EPHA6: variants seen among roughly 807,000 people sequenced by gnomAD.
EPHA6 encodes the protein EPH receptor A6, also known as ephrin type-A receptor 6.
EPHA6 carries 50 observed loss-of-function variants against 112.0 expected under a neutral mutation model. That is an observed-to-expected ratio of 0.45 (90% CI 0.36 to 0.56). EPHA6 has a LOEUF of 0.56. EPHA6 is among the 20% of genes least tolerant of loss of function. The pLI, the probability that EPHA6 is intolerant of heterozygous loss-of-function variation, is 0.00. For missense variants in EPHA6, 1,280 were observed against 1,417.4 expected, an observed-to-expected ratio of 0.90 and a Z score of 1.56; for synonymous variants, 529 against 490.7, an observed-to-expected ratio of 1.08 and a Z score of -1.03.
At chr3:96,976,857 C>G (rs770516961) in intron 2 of EPHA6, among the ~76,000 whole-genome samples, 14 of 152,196 alleles carry the variant, frequency 9.2e-5, no homozygotes, top group Non-Finnish European at 1.8e-4. Context: ...AGGAGCTTCA[C>G]AGATTCTTCC....
intron 6 of EPHA6, among the ~76,000 whole-genome samples, chr3:97,419,885 G>A (rs2088470595): frequency 6.6e-6 from 1 of 151,976 alleles, no homozygotes; most frequent in Non-Finnish European, 1.5e-5. Context: ...GTTTCTAAAG[G>A]CTGAGAAACT....
chr3:97,012,430 C>T (rs1055618372), intron 3 of EPHA6, among the ~76,000 whole-genome samples: 3 of 150,902 alleles, frequency 2.0e-5, no homozygotes, highest in African/African-American at 7.3e-5. Context: ...CTCAGATGAT[C>T]CTCCCATCTC....
At chr3:97,389,975 T>G (rs987858254) in intron 5 of EPHA6, among the ~76,000 whole-genome samples, 1 of 152,098 alleles carries the variant, frequency 6.6e-6, no homozygotes. Flanking sequence ...GTAAGTGATT[T>G]GTGAACAACA....
intron 6 of EPHA6, among the ~76,000 whole-genome samples, chr3:97,407,308 C>G (rs1044106588): frequency 6.6e-6 from 1 of 151,628 alleles, no homozygotes; most frequent in African/African-American, 2.4e-5. Flanking sequence ...TCCTATCCCT[C>G]TGATAACTAT....
intron 11 of EPHA6, chr3:97,590,236 T>C (rs1396804803): frequency 6.6e-6 from 1 of 152,152 alleles, no homozygotes; most frequent in Non-Finnish European, 1.5e-5. Context: ...TGACAGTTCC[T>C]TAAGGAAGAG....
chr3:97,193,495 T>G (rs933970205), intron 3 of EPHA6, among the ~76,000 whole-genome samples: 1 of 152,122 alleles, frequency 6.6e-6, no homozygotes, highest in Non-Finnish European at 1.5e-5. Context: ...CTATGTATTC[T>G]GCAACTTTAC....
At chr3:96,972,522 T>G (rs1486387700) in intron 2 of EPHA6, among the ~76,000 whole-genome samples, 1 of 151,876 alleles carries the variant, frequency 6.6e-6, no homozygotes, top group East Asian at 1.9e-4. Flanking sequence ...CAGTCTTCCG[T>G]GTTATTAGAA....
chr3:97,192,409 G>C (rs896073912), intron 3 of EPHA6, among the ~76,000 whole-genome samples: 2 of 152,126 alleles, frequency 1.3e-5, no homozygotes, highest in Non-Finnish European at 2.9e-5. Context: ...TAGGATTACA[G>C]GTGCCTGACC....
intron 14 of EPHA6, among the ~76,000 whole-genome samples, chr3:97,643,370 G>A (rs1234039855): frequency 6.6e-6 from 1 of 152,216 alleles, no homozygotes; most frequent in Non-Finnish European, 1.5e-5. Context: ...AGACTAGGAA[G>A]AAACTGCATC....
Position 97,150,567 on chromosome 3 carries a change from T to C in EPHA6, c.1115-75697T>C, listed in dbSNP as rs139117758. The stretch of plus-strand genomic sequence containing the variant: ...AAGTATGCACCTGTCTCTGTGGTAA[T>C]TGGGACTTGGGAAAACAACGTGGGT... On this transcript the variant is annotated intron_variant, in intron 3 of 17. Transcript: ENST00000389672. 2.9e-3 allele frequency among the ~76,000 whole-genome samples: 442 copies of C among 152,190 alleles called. 2 individuals are homozygous for C. Among genetic ancestry groups the C allele is most frequent in the African/African-American group, 0.01 (417 of 41,548 alleles).
At position 97,127,217 on chromosome 3, in the gene EPHA6, G is replaced by A. The variant is rs143564978; in HGVS notation, c.1115-99047G>A. Among the ~76,000 whole-genome samples the A allele has an allele frequency of 2.9e-3, 444 of 152,274 alleles. 2 individuals are homozygous for A. The highest frequency in any genetic ancestry group is 9.9e-3 in the African/African-American group (412 of 41,550). On this transcript the variant is annotated intron_variant, in intron 3 of 17. Transcript: ENST00000389672. ...AGGGAGAAATGTAATTGTACAAAGGGATATGATCTAATGGTAATAAACTGG... is the reference window on the plus strand; with the variant it reads ...AGGGAGAAATGTAATTGTACAAAGGAATATGATCTAATGGTAATAAACTGG...
At chr3:97,282,668 G>A (rs967783779) in intron 5 of EPHA6, among the ~76,000 whole-genome samples, 6 of 152,076 alleles carry the variant, frequency 3.9e-5, no homozygotes, top group East Asian at 1.9e-4. Flanking sequence ...AAAAAGGAAC[G>A]AGATTATGTC....
At chr3:97,601,223 T>C (rs1475593743) in intron 12 of EPHA6, among the ~76,000 whole-genome samples, 1 of 152,180 alleles carries the variant, frequency 6.6e-6, no homozygotes, top group African/African-American at 2.4e-5. Context: ...AAAATCATTT[T>C]CTTCTTACAA....
chr3:96,815,932 C>G (rs191055025), intron 1 of EPHA6, among the ~76,000 whole-genome samples: 4 of 152,328 alleles, frequency 2.6e-5, no homozygotes, highest in Admixed American at 2.6e-4. Flanking sequence ...GATATTCTCT[C>G]ACTCGTGCTG....
intron 10 of EPHA6, among the ~76,000 whole-genome samples, chr3:97,516,899 C>T (rs2092456088): frequency 6.6e-6 from 1 of 152,004 alleles, no homozygotes; most frequent in Non-Finnish European, 1.5e-5. Flanking sequence ...AGGTTGTTTT[C>T]CCCCCTCATT....
At chr3:97,303,053 A>G (rs1015574714) in intron 5 of EPHA6, among the ~76,000 whole-genome samples, 63 of 152,070 alleles carry the variant, frequency 4.1e-4, no homozygotes, top group Middle Eastern at 3.4e-3. Flanking sequence ...AGATTTAATT[A>G]TTAGTGAAAT....
chr3:97,060,797 G>A (rs1029434525), intron 3 of EPHA6, among the ~76,000 whole-genome samples: 3 of 151,086 alleles, frequency 2.0e-5, no homozygotes, highest in East Asian at 1.9e-4. Context: ...AGTGGCAGGC[G>A]CCTGTAGTCC....
intron 10 of EPHA6, among the ~76,000 whole-genome samples, chr3:97,485,135 A>G (rs986970347): frequency 2.6e-5 from 4 of 152,188 alleles, no homozygotes; most frequent in African/African-American, 4.8e-5. Context: ...CTTTGGAAAG[A>G]GCAGAACAGA....
chr3:97,032,515 T>G (rs2044904004), intron 3 of EPHA6, among the ~76,000 whole-genome samples: 1 of 151,946 alleles, frequency 6.6e-6, no homozygotes, highest in Non-Finnish European at 1.5e-5. Flanking sequence ...GATCCAAATA[T>G]GAGTCACTAT....
Sources: allele counts gnomAD v4.1 joint callset (sites outside exome capture counted in the v4.1 genomes callset), GRCh38; gene constraint gnomAD v4.1.1; transcripts MANE v1.5; gene names NCBI Gene and HGNC (gene_info 2026-07-23, HGNC 2026-07-21).